Variants in MMP16 observed in about 807,000 individuals in gnomAD.
The protein encoded by MMP16 is matrix metallopeptidase 16.
A neutral mutation model predicts 67.8 loss-of-function variants in MMP16; 12 were observed. That is an observed-to-expected ratio of 0.18 (90% CI 0.11 to 0.29). The LOEUF (loss-of-function observed/expected upper bound fraction) is 0.29, where lower values mean the gene tolerates loss of function less well. Ranked by LOEUF, MMP16 falls within the 10% of genes least tolerant of loss-of-function variation. The probability of loss-of-function intolerance (pLI) is 1.00; values close to 1 mark genes in which losing one functional copy is unlikely to be tolerated. For synonymous variants in MMP16, 249 were observed against 255.9 expected (o/e 0.97, Z 0.26); for missense variants, 475 against 765.7 (o/e 0.62, Z 4.48).
chr8:88,266,461 A>C (rs1466647667), intron 1 of MMP16, among the ~76,000 whole-genome samples: 1 of 152,126 alleles, frequency 6.6e-6, no homozygotes, highest in African/African-American at 2.4e-5. Flanking sequence ...CTGGAGTATA[A>C]ATTTATCATT....
chr8:88,138,198 A>G (rs1054667019), intron 4 of MMP16, among the ~76,000 whole-genome samples: 3 of 151,930 alleles, frequency 2.0e-5, no homozygotes, highest in Non-Finnish European at 2.9e-5. Context: ...ATTTTCATCT[A>G]TATTCATCCT....
Position 88,041,565 on chromosome 8 carries a change from C to A in MMP16, c.1720G>T (p.Ala574Ser). ...AIAIVIPCILALCLLVLVYTV... is the reference protein window; with the variant it reads ...AIAIVIPCILSLCLLVLVYTV... ...TAAACCAATACAAGGAGGCATAAGGCCAAGATGCAGGGAATGACAATAGCT... is the reference window on the plus strand; with the variant it reads ...TAAACCAATACAAGGAGGCATAAGGACAAGATGCAGGGAATGACAATAGCT... Residue 574 changes from alanine to serine, a missense_variant, in exon 10 of 10, where the codon GCC (alanine) becomes TCC (serine). By Grantham distance (99) the Ala-to-Ser change is moderately conservative. Coordinates refer to ENST00000286614, the MANE Select transcript of MMP16 (RefSeq NM_005941.5). The surrounding 1 kb of genome is among the most constrained non-coding windows in gnomAD (Gnocchi z 6.0). 1.9e-6 allele frequency: 3 copies of A among 1,614,148 alleles called. No homozygotes were observed. Among genetic ancestry groups the A allele is most frequent in the Non-Finnish European group, 2.5e-6 (3 of 1,180,008 alleles).
At chr8:88,153,866 G>A (rs1808456493) in intron 4 of MMP16, among the ~76,000 whole-genome samples, 1 of 151,876 alleles carries the variant, frequency 6.6e-6, no homozygotes, top group Admixed American at 6.6e-5. Context: ...AGTGACAAAT[G>A]GGATCTAATT....
chr8:88,135,273 T>C (rs1464173110), intron 4 of MMP16, among the ~76,000 whole-genome samples: 1 of 151,814 alleles, frequency 6.6e-6, no homozygotes, highest in African/African-American at 2.4e-5. Context: ...TACAAATAGC[T>C]AAAAATCACA....
At position 88,047,755 on chromosome 8, in the gene MMP16, T is replaced by C. The variant is rs532955320; in HGVS notation, c.1374-971A>G. 2.0e-5 allele frequency among the ~76,000 whole-genome samples: 3 copies of C among 152,258 alleles called. No homozygotes were observed. The South Asian group carries it at 6.2e-4, about 32-fold the overall frequency. The stretch of plus-strand genomic sequence containing the variant: ...GCCTTTGGCTTTACTCTAAGAGAGA[T>C]GAGAAATCATATATATTTTGAACAG... On this transcript the variant is annotated intron_variant, in intron 8 of 9. Coordinates refer to ENST00000286614, the MANE Select transcript of MMP16 (RefSeq NM_005941.5).
chr8:88,178,960 G>A (rs1274024111), intron 3 of MMP16, among the ~76,000 whole-genome samples: 6 of 151,842 alleles, frequency 4.0e-5, no homozygotes, highest in Non-Finnish European at 5.9e-5. Flanking sequence ...AAAAGAGAAT[G>A]AAAAAGAGAA....
intron 4 of MMP16, among the ~76,000 whole-genome samples, chr8:88,165,886 T>C (rs1003776017): frequency 2.6e-5 from 4 of 152,136 alleles, no homozygotes; most frequent in African/African-American, 7.2e-5. Flanking sequence ...TTTCATTCTA[T>C]TATACTAAAA....
intron 1 of MMP16, among the ~76,000 whole-genome samples, chr8:88,284,111 G>A (rs1322572490): frequency 1.3e-5 from 2 of 152,112 alleles, no homozygotes; most frequent in Non-Finnish European, 2.9e-5. Flanking sequence ...GGACAGTATT[G>A]TCTTTACTTG....
In MMP16 at chr8:88,116,623, G is replaced by C. The variant is rs753104583; in HGVS notation, c.967C>G (p.Pro323Ala). The C allele has an allele frequency of 6.2e-7, 1 of 1,613,896 alleles. No individual in the cohort carries two copies. Among genetic ancestry groups the C allele is most frequent in the Admixed American group, 1.7e-5 (1 of 59,976 alleles). ...PPADPRKNDR[P>A]KPPRPPTGRP... The stretch of plus-strand genomic sequence containing the variant: ...CCGGTTGGAGGCCGAGGAGGTTTTG[G>C]CCTGTCATTTTTCCTTGGGTCAGCC... Residue 323 changes from proline (P) to alanine (A), a missense_variant, in exon 6 of 10, where the codon CCA becomes GCA. Pro to Ala is a conservative substitution (Grantham distance 27, BLOSUM62 -1). This residue lies in a region of MMP16 where 195 missense variants were observed against 300.9 expected (regional missense o/e 0.65). Transcript: ENST00000286614.
chr8:88,116,378 T>C (rs909751646), intron 6 of MMP16, 129 bp downstream of exon 6: 11 of 771,110 alleles, frequency 1.4e-5, no homozygotes, highest in Non-Finnish European at 2.3e-5. Flanking sequence ...TTTTTTAAAA[T>C]GCTTTTTTTG....
At chr8:88,182,193 C>T (rs1042145200) in intron 3 of MMP16, among the ~76,000 whole-genome samples, 2 of 151,992 alleles carry the variant, frequency 1.3e-5, no homozygotes, top group Non-Finnish European at 2.9e-5. Flanking sequence ...CTGAAAAAGA[C>T]ATTTTAAAGA....
intron 1 of MMP16, among the ~76,000 whole-genome samples, chr8:88,234,049 G>T (rs776276217): frequency 1.4e-4 from 22 of 152,080 alleles, no homozygotes; most frequent in Admixed American, 3.3e-4. Context: ...TTCAAAAAAA[G>T]AACCTAGCAA....
intron 4 of MMP16, among the ~76,000 whole-genome samples, chr8:88,156,506 A>G (rs973312306): frequency 1.3e-5 from 2 of 152,130 alleles, no homozygotes; most frequent in African/African-American, 4.8e-5. Flanking sequence ...GAAGAGAGTT[A>G]TAAATTAAAT....
At chr8:88,121,837 T>G (rs1807842032) in intron 4 of MMP16, among the ~76,000 whole-genome samples, 1 of 152,098 alleles carries the variant, frequency 6.6e-6, no homozygotes, top group South Asian at 2.1e-4. Flanking sequence ...GTCATAATTA[T>G]GTCTATATTT....
intron 7 of MMP16, among the ~76,000 whole-genome samples, chr8:88,064,782 T>C (rs983147917): frequency 6.6e-6 from 1 of 152,130 alleles, no homozygotes; most frequent in African/African-American, 2.4e-5. Context: ...TCAGGAAACT[T>C]GAATAAATGC....
chr8:88,094,984 G>C (rs16878008), intron 6 of MMP16, among the ~76,000 whole-genome samples: 11,258 of 151,730 alleles, frequency 0.074, 481 homozygotes, highest in East Asian at 0.18. Context: ...ATTCACAGTA[G>C]TTTCCATATT....
intron 1 of MMP16, chr8:88,326,854 GCAGCATCGTGCTTTGT>G (rs1811547108): frequency 2.1e-6 from 1 of 482,956 alleles, no homozygotes; most frequent in Non-Finnish European, 3.7e-6. Context: ...CTTTGAGCGC[GCAGCATCGTGCTTTGT>G]GCTGCCGGGG....
chr8:88,072,797 C>T (rs2118275044), intron 7 of MMP16, among the ~76,000 whole-genome samples: 2 of 152,226 alleles, frequency 1.3e-5, no homozygotes, highest in Middle Eastern at 6.8e-3. Context: ...TATTTGAATG[C>T]TGTGGGTAAT....
At chr8:88,098,402 T>C (rs1563530907) in intron 6 of MMP16, among the ~76,000 whole-genome samples, 1 of 152,006 alleles carries the variant, frequency 6.6e-6, no homozygotes, top group Non-Finnish European at 1.5e-5. Flanking sequence ...ACCATGTGAA[T>C]CACTTTAAAT....
Sources: gnomAD v4.1 joint callset for allele counts (sites outside exome capture counted in the v4.1 genomes callset) on GRCh38, gnomAD v4.1.1 for gene constraint, gnomAD v4.1.1 regional missense constraint, Gnocchi (gnomAD v3.1) non-coding constraint, MANE v1.5 for transcripts, NCBI Gene and HGNC (gene_info 2026-07-23, HGNC 2026-07-21) for gene names.